The following PHF21A variants were observed in gnomAD, a reference collection of about 807,000 sequenced individuals.
PHF21A encodes PHD finger protein 21A.
Under a neutral mutation model 82.5 loss-of-function variants are expected in PHF21A, and 11 were observed. That is an observed-to-expected ratio of 0.13 (90% CI 0.08 to 0.22). The LOEUF (loss-of-function observed/expected upper bound fraction) is 0.22, where lower values mean the gene tolerates loss of function less well. PHF21A is among the 10% of genes least tolerant of loss of function. The pLI is 1.00. For missense variants in PHF21A, 579 were observed against 837.8 expected, an observed-to-expected ratio of 0.69 and a Z score of 3.81; for synonymous variants, 297 against 302.8, an observed-to-expected ratio of 0.98 and a Z score of 0.20.
At chr11:46,046,866 C>CA (rs1023843295) in intron 6 of PHF21A, among the ~76,000 whole-genome samples, 1 of 152,170 alleles carries the variant, frequency 6.6e-6, no homozygotes, top group Non-Finnish European at 1.5e-5. Context: ...CACAGTAAGA[C>CA]ACCAGTTGGC....
intron 6 of PHF21A, among the ~76,000 whole-genome samples, chr11:46,015,017 AATAAAAAAAT>A (rs1264712644): frequency 2.1e-5 from 1 of 46,660 alleles, no homozygotes; most frequent in Non-Finnish European, 3.4e-5. Context: ...AATAAAAAAA[AATAAAAAAAT>A]AAAAAATAGT....
intron 9 of PHF21A, 95 bp downstream of exon 9, chr11:45,969,720 G>T: frequency 1.3e-6 from 1 of 779,768 alleles, no homozygotes; most frequent in Non-Finnish European, 2.2e-6. Context: ...ATAGACAGCT[G>T]GGCTGACAAG....
chr11:46,014,483 G>A (rs1010798666), intron 6 of PHF21A, among the ~76,000 whole-genome samples: 1 of 152,210 alleles, frequency 6.6e-6, no homozygotes, highest in Non-Finnish European at 1.5e-5. Flanking sequence ...ACAAGTGCAA[G>A]TGTACTTTTT....
rs1266875418 is a variant in PHF21A, at chr11:45,980,031, T to C, written c.154-65A>G. On this transcript the variant is annotated intron_variant, in intron 6 of 18. Coordinates refer to ENST00000676320, the MANE Select transcript of PHF21A (RefSeq NM_001352027.3). Reference sequence around the variant, plus strand: ...TACTGCTCTATCAGCTGCACAGAAATATGCTCTGACATCTTTTCTATAAAT... The same window carrying C: ...TACTGCTCTATCAGCTGCACAGAAACATGCTCTGACATCTTTTCTATAAAT... 6 of 1,605,118 alleles carry C rather than the reference T, an allele frequency of 3.7e-6. No individual in the cohort carries two copies. In the East Asian group the frequency reaches 1.1e-4, roughly 30 times the overall value.
intron 1 of PHF21A, among the ~76,000 whole-genome samples, chr11:46,103,350 T>C (rs1388108450): frequency 6.6e-6 from 1 of 152,260 alleles, no homozygotes; most frequent in Non-Finnish European, 1.5e-5. Flanking sequence ...ATTTTAAAAC[T>C]ATAATGCTTT....
At chr11:46,084,465 C>G (rs1444121143) in intron 3 of PHF21A, among the ~76,000 whole-genome samples, 163 bp from the exon 4 acceptor site, 3 of 152,090 alleles carry the variant, frequency 2.0e-5, no homozygotes, top group East Asian at 3.9e-4. Context: ...AAGTATTCCT[C>G]TAAAGAACAC....
chr11:45,972,632 G>A (rs985553669), intron 7 of PHF21A, among the ~76,000 whole-genome samples: 4 of 152,188 alleles, frequency 2.6e-5, no homozygotes, highest in Admixed American at 2.6e-4. Context: ...ACAAAAAGTA[G>A]ACCAGGTGCG....
intron 15 of PHF21A, among the ~76,000 whole-genome samples, chr11:45,944,341 T>A (rs1046503492): frequency 1.3e-5 from 2 of 152,160 alleles, no homozygotes; most frequent in Non-Finnish European, 2.9e-5. Flanking sequence ...GTGAGAAGCA[T>A]AGGCAAAATG....
At chr11:46,096,330 T>C (rs2096995684) in intron 1 of PHF21A, among the ~76,000 whole-genome samples, 1 of 152,024 alleles carries the variant, frequency 6.6e-6, no homozygotes, top group Admixed American at 6.6e-5. Flanking sequence ...TCTCTAGTTA[T>C]TGTCCCCGTC....
At chr11:46,108,779 T>G (rs866074144) in intron 1 of PHF21A, among the ~76,000 whole-genome samples, 10 of 152,162 alleles carry the variant, frequency 6.6e-5, no homozygotes, top group Non-Finnish European at 1.0e-4. Context: ...CTGACTGAAA[T>G]AGTGAATGTA....
chr11:46,013,040 T>A (rs971947385), intron 6 of PHF21A, among the ~76,000 whole-genome samples: 1 of 152,156 alleles, frequency 6.6e-6, no homozygotes, highest in African/African-American at 2.4e-5. Flanking sequence ...GAACCCTATA[T>A]ATACTATGTT....
chr11:46,071,909 G>A (rs866840931), intron 6 of PHF21A, among the ~76,000 whole-genome samples: 11 of 152,136 alleles, frequency 7.2e-5, no homozygotes, highest in Middle Eastern at 3.4e-3. Flanking sequence ...AAGACACACC[G>A]TTCTATAAAA....
rs973131384 is a variant in PHF21A at position 46,092,211 on chromosome 11, G to C, written c.-224C>G. 2 of 152,020 alleles carry C rather than the reference G, an allele frequency of 1.3e-5. No homozygotes were observed. Among genetic ancestry groups the C allele is most frequent in the African/African-American group, 4.8e-5 (2 of 41,370 alleles). 9.4% of individuals were successfully genotyped at this position (152,020 alleles called of 1,614,324 possible). A position where few individuals can be genotyped will look rare whatever the true frequency, so the allele number is the denominator to read the frequency against. On this transcript the variant is annotated 5_prime_UTR_variant, in exon 2 of 19. Transcript: ENST00000676320. ...TTTTGGGGAAACTGGCTCTCCTTCA[G>C]CTCTCTAGCCCCCTATAACAGAAGA...
intron 6 of PHF21A, among the ~76,000 whole-genome samples, chr11:46,070,642 A>G (rs2096646523): frequency 6.6e-6 from 1 of 152,150 alleles, no homozygotes; most frequent in African/African-American, 2.4e-5. Context: ...GGTGACTATA[A>G]TTTTTAAACA....
intron 6 of PHF21A, among the ~76,000 whole-genome samples, chr11:46,075,314 T>TC (rs1274484742): frequency 6.6e-6 from 1 of 152,154 alleles, no homozygotes; most frequent in Non-Finnish European, 1.5e-5. Flanking sequence ...TGCAACAGCA[T>TC]CCCCCAACCC....
At chr11:46,077,934 T>C (rs2096746347) in intron 5 of PHF21A, among the ~76,000 whole-genome samples, 1 of 152,176 alleles carries the variant, frequency 6.6e-6, no homozygotes, top group Non-Finnish European at 1.5e-5. Flanking sequence ...TATTTTGAGA[T>C]GCAGTCTCAC....
At chr11:46,024,064 A>C (rs949509828) in intron 6 of PHF21A, among the ~76,000 whole-genome samples, 5 of 152,236 alleles carry the variant, frequency 3.3e-5, no homozygotes, top group Admixed American at 3.3e-4. Flanking sequence ...ATACTGGATT[A>C]GTTGCAATTG....
At chr11:45,970,987 G>A (rs1332425808) in intron 8 of PHF21A, 129 bp downstream of exon 8, 2 of 1,149,744 alleles carry the variant, frequency 1.7e-6, no homozygotes, top group Non-Finnish European at 2.4e-6. Flanking sequence ...AGCCCCAAAG[G>A]GGAATTTGGT....
intron 6 of PHF21A, among the ~76,000 whole-genome samples, chr11:46,027,359 G>C (rs968281838): frequency 1.3e-5 from 2 of 152,086 alleles, no homozygotes; most frequent in East Asian, 3.9e-4. Flanking sequence ...GGTTTAACAG[G>C]TTTGCACTCC....
Sources: allele counts gnomAD v4.1 joint callset (sites outside exome capture counted in the v4.1 genomes callset), GRCh38; gene constraint gnomAD v4.1.1; transcripts MANE v1.5; gene names NCBI Gene and HGNC (gene_info 2026-07-23, HGNC 2026-07-21).